THSD7B: variants seen among roughly 807,000 people sequenced by gnomAD.
The protein encoded by THSD7B is thrombospondin type-1 domain-containing protein 7B.
THSD7B carries 138 observed loss-of-function variants against 213.6 expected under a neutral mutation model. The observed-to-expected ratio is 0.65, with a 90% CI of 0.56 to 0.74. The LOEUF is 0.74. THSD7B is among the 30% of genes least tolerant of loss of function. The pLI is 0.00. For missense variants in THSD7B, 1,931 were observed against 1,991.5 expected (o/e 0.97, Z 0.58); for synonymous variants, 742 against 687.0 (o/e 1.08, Z -1.25).
chr2:137,172,830 T>C (rs1270098857), intron 7 of THSD7B, among the ~76,000 whole-genome samples: 1 of 152,106 alleles, frequency 6.6e-6, no homozygotes, highest in African/African-American at 2.4e-5. Context: ...TCCAAATAGA[T>C]AGTGTTAGAG....
At chr2:137,649,322 T>G (rs1683096251) in intron 21 of THSD7B, among the ~76,000 whole-genome samples, 1 of 152,184 alleles carries the variant, frequency 6.6e-6, no homozygotes, top group South Asian at 2.1e-4. Flanking sequence ...CTTTGATATC[T>G]GACACAAAAG....
chr2:137,203,417 T>C (rs1680918047), intron 7 of THSD7B, among the ~76,000 whole-genome samples: 1 of 152,090 alleles, frequency 6.6e-6, no homozygotes, highest in African/African-American at 2.4e-5. Context: ...TAGTGAAGTA[T>C]ACTTTTTTAG....
chr2:137,089,037 T>C (rs990529552), intron 3 of THSD7B, among the ~76,000 whole-genome samples: 4 of 152,090 alleles, frequency 2.6e-5, no homozygotes, highest in African/African-American at 9.7e-5. Context: ...TATAAACTAG[T>C]GTAACCACTA....
At chr2:137,116,157 A>G (rs1279850465) in intron 5 of THSD7B, among the ~76,000 whole-genome samples, 1 of 152,200 alleles carries the variant, frequency 6.6e-6, no homozygotes, top group Non-Finnish European at 1.5e-5. Flanking sequence ...TCTTTGTGTG[A>G]CATAGCTTTG....
intron 2 of THSD7B, among the ~76,000 whole-genome samples, chr2:136,988,819 T>C (rs1340042425): frequency 5.9e-5 from 9 of 152,256 alleles, no homozygotes; most frequent in Admixed American, 4.6e-4. Context: ...TAACTTCTTC[T>C]GTCATTCCTC....
chr2:137,204,442 A>C (rs1434328061), intron 7 of THSD7B, among the ~76,000 whole-genome samples: 1 of 151,992 alleles, frequency 6.6e-6, no homozygotes, highest in African/African-American at 2.4e-5. Flanking sequence ...AATTTTTCTT[A>C]GAGTTATTTT....
intron 14 of THSD7B, 95 bp downstream of exon 14, chr2:137,411,967 A>C: frequency 1.2e-5 from 16 of 1,385,524 alleles, no homozygotes; most frequent in Non-Finnish European, 1.5e-5. Context: ...GCTCTATAAT[A>C]ATTGTTTTAA....
At chr2:137,503,314 A>G (rs1156888796) in intron 15 of THSD7B, among the ~76,000 whole-genome samples, 1 of 152,152 alleles carries the variant, frequency 6.6e-6, no homozygotes, top group Non-Finnish European at 1.5e-5. Context: ...AATCAGTATA[A>G]AAAACATTCC....
intron 21 of THSD7B, among the ~76,000 whole-genome samples, chr2:137,643,911 C>T (rs1682984396): frequency 6.6e-6 from 1 of 152,152 alleles, no homozygotes; most frequent in South Asian, 2.1e-4. Flanking sequence ...TTTATCTTCT[C>T]AGGTATCAGG....
At chr2:137,415,185 G>A (rs1229784608) in intron 14 of THSD7B, among the ~76,000 whole-genome samples, 1 of 151,862 alleles carries the variant, frequency 6.6e-6, no homozygotes, top group Non-Finnish European at 1.5e-5. Flanking sequence ...TCTCCCATTT[G>A]CATTTTAGAC....
At chr2:137,522,088 A>T (rs1680195938) in intron 15 of THSD7B, among the ~76,000 whole-genome samples, 1 of 152,162 alleles carries the variant, frequency 6.6e-6, no homozygotes, top group Non-Finnish European at 1.5e-5. Context: ...TGAGAACTGC[A>T]TGGGCTAGGC....
chr2:136,767,282 T>C (rs1305883943), intron 1 of THSD7B, among the ~76,000 whole-genome samples: 1 of 152,202 alleles, frequency 6.6e-6, no homozygotes, highest in Non-Finnish European at 1.5e-5. Flanking sequence ...AAAAGCTGTT[T>C]ATAAAGTTTC....
chr2:137,403,397 A>G (rs187259800), intron 12 of THSD7B, among the ~76,000 whole-genome samples: 4 of 152,382 alleles, frequency 2.6e-5, no homozygotes, highest in Admixed American at 2.0e-4. Context: ...AAAGGAGCCC[A>G]TATGTACACT....
intron 1 of THSD7B, among the ~76,000 whole-genome samples, chr2:136,785,889 T>C (rs948008366): frequency 1.3e-5 from 2 of 152,176 alleles, no homozygotes; most frequent in African/African-American, 4.8e-5. Flanking sequence ...GAAGATTAAA[T>C]GTAGTAGATT....
intron 6 of THSD7B, among the ~76,000 whole-genome samples, chr2:137,164,961 T>A (rs1680095957): frequency 6.6e-6 from 1 of 152,050 alleles, no homozygotes; most frequent in South Asian, 2.1e-4. Flanking sequence ...CCCACCAACA[T>A]GTCACATGTA....
intron 12 of THSD7B, among the ~76,000 whole-genome samples, chr2:137,290,467 C>T (rs1361019883): frequency 1.3e-5 from 2 of 152,234 alleles, no homozygotes; most frequent in East Asian, 3.9e-4. Flanking sequence ...TGTCTCTCTA[C>T]TGCTCAGATC....
chr2:137,281,072 C>T (rs1682997211), intron 12 of THSD7B, among the ~76,000 whole-genome samples: 1 of 152,046 alleles, frequency 6.6e-6, no homozygotes, highest in Admixed American at 6.6e-5. Context: ...CACTTGTCTA[C>T]GATATCGTTG....
chr2:136,846,916 C>T (rs892196431), intron 1 of THSD7B, among the ~76,000 whole-genome samples: 7 of 152,102 alleles, frequency 4.6e-5, no homozygotes, highest in African/African-American at 1.7e-4. Flanking sequence ...TTTATATATT[C>T]TCCTGGGTCT....
chr2:137,064,047 G>A (rs1320108106), intron 3 of THSD7B, among the ~76,000 whole-genome samples: 1 of 151,994 alleles, frequency 6.6e-6, no homozygotes, highest in Non-Finnish European at 1.5e-5. Flanking sequence ...TTGCTAGATA[G>A]TACGGTAGCT....
Sources: allele counts gnomAD v4.1 joint callset (sites outside exome capture counted in the v4.1 genomes callset), GRCh38; gene constraint gnomAD v4.1.1; transcripts MANE v1.5; gene names NCBI Gene and HGNC (gene_info 2026-07-23, HGNC 2026-07-21).